PLXNA4: variants seen among roughly 807,000 people sequenced by gnomAD.
PLXNA4 encodes plexin A4.
PLXNA4 carries 44 observed loss-of-function variants against 191.8 expected under a neutral mutation model. The ratio of observed to expected loss-of-function variants is 0.23; its 90% CI spans 0.18 to 0.29. PLXNA4 has a LOEUF of 0.29. Ranked by LOEUF, PLXNA4 falls within the 10% of genes least tolerant of loss-of-function variation. The pLI, the probability that PLXNA4 is intolerant of heterozygous loss-of-function variation, is 1.00. For synonymous variants in PLXNA4, 1,082 were observed against 1,009.5 expected, an observed-to-expected ratio of 1.07 and a Z score of -1.36; for missense variants, 1,800 against 2,488.8, an observed-to-expected ratio of 0.72 and a Z score of 5.89.
At chr7:132,235,670 G>A (rs998847986) in intron 5 of PLXNA4, among the ~76,000 whole-genome samples, 10 of 152,166 alleles carry the variant, frequency 6.6e-5, no homozygotes, top group African/African-American at 9.7e-5. Context: ...GAAAGGTAAC[G>A]CCTGGGCCAA....
intron 13 of PLXNA4, among the ~76,000 whole-genome samples, chr7:132,198,186 A>G (rs1415845501): frequency 1.3e-5 from 2 of 152,174 alleles, no homozygotes; most frequent in Non-Finnish European, 2.9e-5. Context: ...CTTCTCTTGC[A>G]GATTTTCATT....
intron 2 of PLXNA4, among the ~76,000 whole-genome samples, chr7:132,582,996 C>A (rs1207250783): frequency 2.0e-5 from 3 of 152,180 alleles, no homozygotes; most frequent in African/African-American, 7.2e-5. Flanking sequence ...CAGTGTGTTA[C>A]ACAGAAATGA....
intron 2 of PLXNA4, among the ~76,000 whole-genome samples, chr7:132,596,990 A>G (rs924372): frequency 0.98 from 149,968 of 152,262 alleles, 73,901 homozygotes; most frequent in East Asian, 1. Context: ...CTACATTGGG[A>G]GTACGATTGT....
At chr7:132,398,407 T>C (rs1793846576) in intron 3 of PLXNA4, among the ~76,000 whole-genome samples, 1 of 152,316 alleles carries the variant, frequency 6.6e-6, no homozygotes, top group Non-Finnish European at 1.5e-5. Context: ...TCTATTCGTG[T>C]CGCAACAAGG....
intron 2 of PLXNA4, among the ~76,000 whole-genome samples, chr7:132,506,404 T>C (rs1798465022): frequency 6.6e-6 from 1 of 152,240 alleles, no homozygotes; most frequent in Non-Finnish European, 1.5e-5. Flanking sequence ...TATGGATGCG[T>C]ACTTCTGTCC....
intron 3 of PLXNA4, among the ~76,000 whole-genome samples, chr7:132,435,013 C>G (rs1476281182): frequency 1.3e-5 from 2 of 152,168 alleles, no homozygotes; most frequent in Non-Finnish European, 2.9e-5. Context: ...TGTTCCATCT[C>G]TCCCCAGCCC....
chr7:132,624,730 A>T (rs79220705), intron 2 of PLXNA4, among the ~76,000 whole-genome samples: 1 of 152,180 alleles, frequency 6.6e-6, no homozygotes, highest in Non-Finnish European at 1.5e-5. Flanking sequence ...TTAGGGTTAA[A>T]CACCAGCCCC....
At chr7:132,375,185 C>T (rs1804607450) in intron 3 of PLXNA4, among the ~76,000 whole-genome samples, 1 of 152,214 alleles carries the variant, frequency 6.6e-6, no homozygotes. Context: ...AGGAAAGAAA[C>T]CTGGTGGGGC....
chr7:132,325,171 C>G (rs984258515), intron 3 of PLXNA4, among the ~76,000 whole-genome samples: 2 of 152,194 alleles, frequency 1.3e-5, no homozygotes, highest in African/African-American at 4.8e-5. Context: ...TCAAATTTTA[C>G]CACCCAACTG....
At chr7:132,174,756 A>T in intron 21 of PLXNA4, 22 bp downstream of exon 21, 1 of 1,611,096 alleles carries the variant, frequency 6.2e-7, no homozygotes, top group Non-Finnish European at 8.5e-7. Flanking sequence ...CTCTAATGCC[A>T]GGATGGAGCA....
At chr7:132,174,668 T>G in intron 21 of PLXNA4, 110 bp downstream of exon 21, 1 of 1,512,206 alleles carries the variant, frequency 6.6e-7, no homozygotes, top group Non-Finnish European at 8.9e-7. Flanking sequence ...TTGGGCAAGT[T>G]GTGTCCCCTC....
chr7:132,618,172 TA>T (rs1348481044), intron 2 of PLXNA4, among the ~76,000 whole-genome samples: 2 of 152,208 alleles, frequency 1.3e-5, no homozygotes, highest in Non-Finnish European at 2.9e-5. Context: ...ATTGGTCAGA[TA>T]AATTTAGGTG....
chr7:132,596,746 T>C (rs1802716746), intron 2 of PLXNA4, among the ~76,000 whole-genome samples: 1 of 151,814 alleles, frequency 6.6e-6, no homozygotes, highest in South Asian at 2.1e-4. Flanking sequence ...AGAAATACCA[T>C]TAAGAAGGAA....
At chr7:132,504,660 C>T (rs1798387439) in intron 2 of PLXNA4, among the ~76,000 whole-genome samples, 1 of 152,176 alleles carries the variant, frequency 6.6e-6, no homozygotes, top group Non-Finnish European at 1.5e-5. Context: ...TGGGCCTTGC[C>T]CTGCCCTCTG....
chr7:132,534,182 G>A (rs11769821), intron 1 of PLXNA4, among the ~76,000 whole-genome samples: 49,627 of 151,982 alleles, frequency 0.33, 9,737 homozygotes, highest in South Asian at 0.52. Context: ...ACAGAAAGCC[G>A]GTCAGCTTCA....
chr7:132,419,118 G>A (rs1334716406), intron 3 of PLXNA4, among the ~76,000 whole-genome samples: 1 of 152,184 alleles, frequency 6.6e-6, no homozygotes, highest in Non-Finnish European at 1.5e-5. Flanking sequence ...TTTCTGCCTG[G>A]AAGTGAACAT....
chr7:132,405,614 G>C (rs925421680), intron 3 of PLXNA4, among the ~76,000 whole-genome samples: 5 of 152,192 alleles, frequency 3.3e-5, no homozygotes, highest in African/African-American at 9.7e-5. Context: ...AGGCTGCAAA[G>C]CCAGGGACGC....
At chr7:132,186,436 G>A (rs1001514975) in intron 15 of PLXNA4, among the ~76,000 whole-genome samples, 2 of 152,194 alleles carry the variant, frequency 1.3e-5, no homozygotes, top group African/African-American at 2.4e-5. Context: ...TCTGCAGAGT[G>A]GGTGCTATGG....
At chr7:132,526,056 C>T (rs140933952) in intron 1 of PLXNA4, among the ~76,000 whole-genome samples, 82 of 152,324 alleles carry the variant, frequency 5.4e-4, no homozygotes, top group Non-Finnish European at 7.1e-4. Context: ...ACTTTCACAT[C>T]TATTTTCTCA....
Sources: gnomAD v4.1 joint callset for allele counts (sites outside exome capture counted in the v4.1 genomes callset) on GRCh38, gnomAD v4.1.1 for gene constraint, MANE v1.5 for transcripts, NCBI Gene and HGNC (gene_info 2026-07-23, HGNC 2026-07-21) for gene names.